KCNH1: variants seen among roughly 807,000 people sequenced by gnomAD.
KCNH1 encodes the protein potassium voltage-gated channel subfamily H member 1.
A neutral mutation model predicts 69.2 loss-of-function variants in KCNH1; 27 were observed. The ratio of observed to expected loss-of-function variants is 0.39; its 90% confidence interval spans 0.29 to 0.54. KCNH1 has a LOEUF of 0.54. Among genes scored for constraint, KCNH1 ranks in the 20% least tolerant of loss-of-function variants. The probability of loss-of-function intolerance (pLI) is 0.68; values close to 1 mark genes in which losing one functional copy is unlikely to be tolerated. For missense variants in KCNH1, 798 were observed against 1,261.6 expected, an observed-to-expected ratio of 0.63 and a Z score of 5.57; for synonymous variants, 456 against 487.7, an observed-to-expected ratio of 0.93 and a Z score of 0.86.
intron 5 of KCNH1, among the ~76,000 whole-genome samples, chr1:211,021,557 A>G (rs777453265): frequency 2.1e-5 from 3 of 141,472 alleles, no homozygotes; most frequent in Non-Finnish European, 3.1e-5. Flanking sequence ...ATAATCATAT[A>G]TTTAGAGAAA....
At position 210,844,840 on chromosome 1, in the gene KCNH1, T is replaced by C. The variant is rs1460575341; in HGVS notation, c.1463-40674A>G. Among the ~76,000 whole-genome samples, 3 of 151,308 alleles carry C rather than the reference T, an allele frequency of 2.0e-5. No homozygotes were observed. In the South Asian group the frequency reaches 6.3e-4, roughly 32 times the overall value. ...ATTGATAGATCGCTAGCAAGACTAA[T>C]AAAGAAGAAAAAAGAGAAGAATCAA... On this transcript the variant is annotated intron_variant, in intron 7 of 10. Transcript: ENST00000271751.
rs147423676 is a variant in KCNH1, at chr1:210,881,632, C to G, written c.1462+38008G>C. On this transcript the variant is annotated intron_variant, in intron 7 of 10. Coordinates refer to ENST00000271751, the MANE Select transcript of KCNH1 (RefSeq NM_172362.3). ...ATAATTGCCAAAACTTGGAAGCAAC[C>G]AGGATGTCCTTCAGTAGATGAATGG... 1.9e-4 allele frequency among the ~76,000 whole-genome samples: 29 copies of G among 152,274 alleles called. No homozygotes were observed. In the East Asian group the frequency reaches 5.2e-3, roughly 27 times the overall value.
intron 1 of KCNH1, among the ~76,000 whole-genome samples, chr1:211,120,627 A>G (rs1691668628): frequency 6.6e-6 from 1 of 152,186 alleles, no homozygotes; most frequent in Admixed American, 6.5e-5. Flanking sequence ...CAGAACTCAA[A>G]AAAAGTGACT....
At chr1:211,079,545 A>G (rs557072817) in intron 5 of KCNH1, among the ~76,000 whole-genome samples, 88 of 152,340 alleles carry the variant, frequency 5.8e-4, no homozygotes, top group Non-Finnish European at 1.1e-3. Flanking sequence ...TATCCCTAAT[A>G]AACATTGATG....
intron 10 of KCNH1, among the ~76,000 whole-genome samples, chr1:210,762,775 G>C (rs962480479): frequency 6.6e-6 from 1 of 152,058 alleles, no homozygotes; most frequent in Admixed American, 6.5e-5. Context: ...TGGATTCACA[G>C]CCAAATTCGA....
intron 6 of KCNH1, among the ~76,000 whole-genome samples, chr1:210,991,603 C>CCACACACACA (rs67518284): frequency 1.4e-3 from 207 of 148,418 alleles, no homozygotes; most frequent in East Asian, 4.4e-3. Context: ...TCTGTTCTTG[C>CCACACACACA]CACACACACA....
intron 7 of KCNH1, among the ~76,000 whole-genome samples, chr1:210,829,945 T>A (rs1685122891): frequency 6.6e-6 from 1 of 152,138 alleles, no homozygotes; most frequent in African/African-American, 2.4e-5. Context: ...TAATACAACT[T>A]TTATTATGTG....
At chr1:210,806,445 C>A (rs930486740) in intron 7 of KCNH1, among the ~76,000 whole-genome samples, 2 of 152,086 alleles carry the variant, frequency 1.3e-5, no homozygotes, top group East Asian at 3.9e-4. Context: ...AATCTGGATA[C>A]AAGTCCCTTC....
At chr1:211,077,732 T>A (rs1690763591) in intron 5 of KCNH1, among the ~76,000 whole-genome samples, 1 of 152,148 alleles carries the variant, frequency 6.6e-6, no homozygotes, top group East Asian at 1.9e-4. Flanking sequence ...AACATCATAA[T>A]GACAGGATCA....
chr1:210,774,742 TGA>T (rs1488627416), intron 10 of KCNH1, among the ~76,000 whole-genome samples: 2 of 152,156 alleles, frequency 1.3e-5, no homozygotes, highest in Non-Finnish European at 2.9e-5. Context: ...TCTGATGATT[TGA>T]GAGTGAAAGA....
At chr1:211,063,545 A>T (rs1220454239) in intron 5 of KCNH1, 1 of 152,298 alleles carries the variant, frequency 6.6e-6, no homozygotes, top group Admixed American at 6.5e-5. Context: ...GTTCGAGACC[A>T]CCCTGGCTAA....
chr1:210,994,184 A>G (rs1214529166), intron 6 of KCNH1, among the ~76,000 whole-genome samples: 4 of 152,218 alleles, frequency 2.6e-5, no homozygotes, highest in Non-Finnish European at 5.9e-5. Flanking sequence ...AAATGATGAT[A>G]CCACTAATTG....
At chr1:210,852,819 T>G (rs966773268) in intron 7 of KCNH1, among the ~76,000 whole-genome samples, 1 of 152,188 alleles carries the variant, frequency 6.6e-6, no homozygotes, top group African/African-American at 2.4e-5. Context: ...ATGTTAGAAT[T>G]TCTTAGATAT....
intron 5 of KCNH1, among the ~76,000 whole-genome samples, chr1:211,068,482 G>A (rs542977169): frequency 1.4e-4 from 22 of 152,080 alleles, no homozygotes; most frequent in Admixed American, 7.2e-4. Context: ...TGCAACCTCC[G>A]CCTCCCAGGT....
intron 7 of KCNH1, among the ~76,000 whole-genome samples, chr1:210,909,072 A>T (rs1198441168): frequency 6.6e-6 from 1 of 152,226 alleles, no homozygotes; most frequent in African/African-American, 2.4e-5. Context: ...ATTCTCTCCC[A>T]TGCATGCAAA....
intron 7 of KCNH1, among the ~76,000 whole-genome samples, chr1:210,825,577 C>T (rs932907056): frequency 3.9e-5 from 6 of 152,122 alleles, no homozygotes; most frequent in African/African-American, 1.4e-4. Context: ...ATAGTTTTGA[C>T]CTCATGAAGT....
chr1:211,040,798 G>C (rs979793223), intron 5 of KCNH1, among the ~76,000 whole-genome samples: 1 of 152,120 alleles, frequency 6.6e-6, no homozygotes, highest in African/African-American at 2.4e-5. Flanking sequence ...AACGGAACCA[G>C]AGAGAGACTC....
At position 210,762,877 on chromosome 1, in the gene KCNH1, A is replaced by T. The variant is rs144468601; in HGVS notation, c.2112+12471T>A. On this transcript the variant is annotated intron_variant, in intron 10 of 10. Transcript: ENST00000271751. ...ACTCCTCCTTAACTCATTCTACTAA[A>T]TCAGCATCATCATGATACCAAAATC... 3.1e-3 allele frequency among the ~76,000 whole-genome samples: 473 copies of T among 152,104 alleles called. 3 individuals carry two copies. The highest frequency in any genetic ancestry group is 0.011 in the African/African-American group (446 of 41,526).
Position 210,797,597 on chromosome 1 carries a change from T to C in KCNH1, c.1826A>G (p.Tyr609Cys). The change falls in exon 9 of 11, where the codon TAC (tyrosine) becomes TGC (cysteine). Residue 609 changes from tyrosine (Y) to cysteine (C), a missense_variant. Around this residue, in one of 4 missense-constraint regions of KCNH1, gnomAD observed 197 missense variants for 407.7 expected, o/e 0.48. Transcript: ENST00000271751. ...TVHCAPGDLIYHAGESVDSLC... is the reference protein window; with the variant it reads ...TVHCAPGDLICHAGESVDSLC... Reference sequence around the variant, plus strand: ...GCTGTCAACGCTCTCTCCTGCATGGTAGATGAGGTCCCCTGGGGCACAGTG... The same window carrying C: ...GCTGTCAACGCTCTCTCCTGCATGGCAGATGAGGTCCCCTGGGGCACAGTG... 1 of 1,614,170 alleles carries C rather than the reference T, an allele frequency of 6.2e-7. No homozygotes were observed. Among genetic ancestry groups the C allele is most frequent in the Non-Finnish European group, 8.5e-7 (1 of 1,180,022 alleles).
Sources: allele counts gnomAD v4.1 joint callset (sites outside exome capture counted in the v4.1 genomes callset), GRCh38; gene constraint gnomAD v4.1.1; regional missense constraint gnomAD v4.1.1; transcripts MANE v1.5; gene names NCBI Gene and HGNC (gene_info 2026-07-23, HGNC 2026-07-21).